The following CD86 variants were observed in gnomAD, a reference collection of about 807,000 sequenced individuals.
The protein encoded by CD86 is T-lymphocyte activation antigen CD86.
A neutral mutation model predicts 32.1 loss-of-function variants in CD86; 11 were observed. The observed-to-expected ratio is 0.34, with a 90% CI of 0.22 to 0.57. The LOEUF is 0.57. Ranked by LOEUF, CD86 falls within the 20% of genes least tolerant of loss-of-function variation. The pLI is 0.86. For missense variants in CD86, 359 were observed against 398.4 expected (o/e 0.90, Z 0.84); for synonymous variants, 137 against 135.3 (o/e 1.01, Z -0.09).
At chr3:122,096,446 AT>A (rs940601493) in intron 2 of CD86, among the ~76,000 whole-genome samples, 95 of 152,104 alleles carry the variant, frequency 6.2e-4, no homozygotes, top group South Asian at 1.5e-3. Flanking sequence ...ACTTATTTAA[AT>A]TTTTTTTGAG....
At position 122,091,965 on chromosome 3, in the gene CD86, T is replaced by C. The variant is rs939186835; in HGVS notation, c.64+315T>C. 4.8e-5 allele frequency: 13 copies of C among 271,806 alleles called. No homozygotes were observed. In the East Asian group the frequency reaches 9.1e-4, roughly 19 times the overall value. 16.8% of individuals were successfully genotyped at this position (271,806 alleles called of 1,614,324 possible). A position where few individuals can be genotyped will look rare whatever the true frequency, so the allele number is the denominator to read the frequency against. ...TGGGGATGGGGGAAGGCTGCTGCAC[T>C]GAGGCCCCTGAGACTTGACTCTTTT... On this transcript the variant is annotated intron_variant, in intron 2 of 6. Coordinates refer to ENST00000330540, the MANE Select transcript of CD86 (RefSeq NM_175862.5).
intron 1 of CD86, among the ~76,000 whole-genome samples, chr3:122,082,690 T>A (rs1331496258): frequency 6.6e-6 from 1 of 152,230 alleles, no homozygotes; most frequent in Non-Finnish European, 1.5e-5. Context: ...ACAGTTGTTA[T>A]TTCAAAACTG....
At chr3:122,069,526 G>A (rs1416392302) in intron 1 of CD86, among the ~76,000 whole-genome samples, 1 of 152,186 alleles carries the variant, frequency 6.6e-6, no homozygotes, top group Admixed American at 6.5e-5. Flanking sequence ...CGACAGGCAG[G>A]TGAGGAAGGA....
chr3:122,084,567 A>T (rs77443769), intron 1 of CD86, among the ~76,000 whole-genome samples: 229 of 152,264 alleles, frequency 1.5e-3, no homozygotes, highest in Non-Finnish European at 2.7e-3. Context: ...GATTTTATTC[A>T]TATGTCTGGT....
At chr3:122,093,904 C>T (rs924424645) in intron 2 of CD86, among the ~76,000 whole-genome samples, 5 of 152,222 alleles carry the variant, frequency 3.3e-5, no homozygotes, top group African/African-American at 1.2e-4. Flanking sequence ...TCACACCCAG[C>T]AATGTAGATT....
intron 1 of CD86, among the ~76,000 whole-genome samples, chr3:122,083,850 T>C (rs2072673182): frequency 6.6e-6 from 1 of 152,224 alleles, no homozygotes; most frequent in African/African-American, 2.4e-5. Flanking sequence ...TGATTACATG[T>C]TGAGATTATA....
intron 1 of CD86, among the ~76,000 whole-genome samples, chr3:122,069,611 C>T (rs941269416): frequency 6.6e-6 from 1 of 151,690 alleles, no homozygotes. Context: ...GTTGTGAGCC[C>T]ATCAGTTTCC....
At position 122,091,588 on chromosome 3, in the gene CD86, T is replaced by G. The variant is rs113910837; in HGVS notation, c.15-13T>G. The G allele has an allele frequency of 3.1e-6, 5 of 1,605,194 alleles. No individual in the cohort carries two copies. Among genetic ancestry groups the G allele is most frequent in the Non-Finnish European group, 4.3e-6 (5 of 1,172,258 alleles). On this transcript the variant is annotated splice_polypyrimidine_tract_variant and intron_variant, in intron 1 of 6. Transcript: ENST00000330540. ...TTCTAATCAAGTTTTACCTTTTTTT[T>G]TCTCGACTCTAGCACTATGGGACTG...
intron 2 of CD86, among the ~76,000 whole-genome samples, chr3:122,099,482 C>T (rs888211382): frequency 2.6e-5 from 4 of 152,136 alleles, no homozygotes; most frequent in East Asian, 1.9e-4. Flanking sequence ...GCCTGGAGGC[C>T]GAGTGAAGTG....
intron 5 of CD86, 77 bp downstream of exon 5, chr3:122,109,485 T>A: frequency 6.5e-7 from 1 of 1,548,318 alleles, no homozygotes. Context: ...TTCCGGAGCT[T>A]GTTGGCTGAG....
intron 1 of CD86, among the ~76,000 whole-genome samples, chr3:122,090,828 T>C (rs899862518): frequency 6.6e-6 from 1 of 152,156 alleles, no homozygotes; most frequent in African/African-American, 2.4e-5. Context: ...CTTCATCATG[T>C]AGATTAAGTG....
At chr3:122,101,524 A>G (rs2073008856) in intron 2 of CD86, among the ~76,000 whole-genome samples, 1 of 96,284 alleles carries the variant, frequency 1.0e-5, no homozygotes, top group African/African-American at 3.2e-5. Context: ...ATATATATAT[A>G]TATATATATA....
chr3:122,105,378 G>A (rs56227115), intron 3 of CD86, among the ~76,000 whole-genome samples: 4,397 of 152,218 alleles, frequency 0.029, 74 homozygotes, highest in Middle Eastern at 0.058. Flanking sequence ...AAGATGACAT[G>A]CAAATGACAG....
At chr3:122,110,546 T>C (rs1397670109) in intron 5 of CD86, among the ~76,000 whole-genome samples, 2 of 152,172 alleles carry the variant, frequency 1.3e-5, no homozygotes, top group Admixed American at 6.5e-5. Context: ...AAAATCTAAC[T>C]AGAAAATAGA....
intron 1 of CD86, among the ~76,000 whole-genome samples, chr3:122,082,116 G>A (rs542022604): frequency 5.3e-5 from 8 of 152,100 alleles, no homozygotes; most frequent in Non-Finnish European, 1.0e-4. Flanking sequence ...TTCGAGATTC[G>A]CTCCTAAAAT....
chr3:122,073,565 A>G (rs2072518792), intron 1 of CD86, among the ~76,000 whole-genome samples: 1 of 152,160 alleles, frequency 6.6e-6, no homozygotes, highest in Non-Finnish European at 1.5e-5. Context: ...ATAAAAATTT[A>G]TTGCAAATGT....
intron 4 of CD86, 74 bp downstream of exon 4, chr3:122,106,574 C>A: frequency 7.5e-7 from 1 of 1,327,054 alleles, no homozygotes; most frequent in South Asian, 1.4e-5. Flanking sequence ...CATCCAATGT[C>A]CCCGACTTGC....
chr3:122,065,312 T>C (rs1221183663), intron 1 of CD86, among the ~76,000 whole-genome samples: 1 of 152,156 alleles, frequency 6.6e-6, no homozygotes, highest in Non-Finnish European at 1.5e-5. Context: ...TTGGCAACCA[T>C]ACGATAAAGG....
At chr3:122,076,925 C>T (rs1160011658) in intron 1 of CD86, among the ~76,000 whole-genome samples, 1 of 152,178 alleles carries the variant, frequency 6.6e-6, no homozygotes, top group Non-Finnish European at 1.5e-5. Context: ...GGACTTCGGA[C>T]CACCAGTTCC....
Sources: allele counts gnomAD v4.1 joint callset (sites outside exome capture counted in the v4.1 genomes callset), GRCh38; gene constraint gnomAD v4.1.1; transcripts MANE v1.5; gene names NCBI Gene and HGNC (gene_info 2026-07-23, HGNC 2026-07-21).